The following ADAMTS6 variants were observed in gnomAD, a reference collection of about 807,000 sequenced individuals.
The protein encoded by ADAMTS6 is A disintegrin and metalloproteinase with thrombospondin motifs 6.
ADAMTS6 carries 23 observed loss-of-function variants against 144.3 expected under a neutral mutation model. The observed-to-expected ratio is 0.16, with a 90% CI of 0.11 to 0.23. The LOEUF is 0.23. Among genes scored for constraint, ADAMTS6 ranks in the 10% least tolerant of loss-of-function variants. The pLI, the probability that ADAMTS6 is intolerant of heterozygous loss-of-function variation, is 1.00. For missense variants in ADAMTS6, 999 were observed against 1,379.6 expected, an observed-to-expected ratio of 0.72 and a Z score of 4.37; for synonymous variants, 444 against 457.5, an observed-to-expected ratio of 0.97 and a Z score of 0.38.
chr5:65,380,592 T>C (rs2150134147), intron 7 of ADAMTS6, among the ~76,000 whole-genome samples: 1 of 152,062 alleles, frequency 6.6e-6, no homozygotes, highest in East Asian at 1.9e-4. Flanking sequence ...CAAAAACATA[T>C]TGGGAATATG....
chr5:65,334,009 A>AC, intron 8 of ADAMTS6, 33 bp downstream of exon 8: 29 of 1,352,796 alleles, frequency 2.1e-5, no homozygotes, highest in South Asian at 3.8e-5. Flanking sequence ...AAAAAAAAAA[A>AC]AAAAAAAAAA....
intron 9 of ADAMTS6, among the ~76,000 whole-genome samples, chr5:65,305,151 T>A (rs148955715): frequency 4.6e-4 from 70 of 152,316 alleles, no homozygotes; most frequent in African/African-American, 1.7e-3. Context: ...ATTATGGACA[T>A]ATAAATAGAG....
chr5:65,400,253 C>T lies in ADAMTS6; in HGVS notation c.1073+51222G>A, dbSNP rs376748267. On this transcript the variant is annotated intron_variant, in intron 7 of 24. Transcript: ENST00000381055. ...GGTCTCACTCTGTGGTCCTGGCTGG[C>T]GTACAGTGTCATGATCATAGCTCAC... Among the ~76,000 whole-genome samples the T allele has an allele frequency of 1.1e-4, 16 of 152,122 alleles. No individual in the cohort carries two copies. The South Asian group carries it at 1.9e-3, about 18-fold the overall frequency.
chr5:65,363,751 TA>T (rs1472844510), intron 7 of ADAMTS6, among the ~76,000 whole-genome samples: 2 of 152,214 alleles, frequency 1.3e-5, no homozygotes, highest in Non-Finnish European at 2.9e-5. Context: ...AAGAGACTTT[TA>T]AATAATCTTT....
At chr5:65,274,036 C>T (rs1043204474) in intron 11 of ADAMTS6, among the ~76,000 whole-genome samples, 12 of 152,112 alleles carry the variant, frequency 7.9e-5, no homozygotes, top group African/African-American at 2.9e-4. Flanking sequence ...AGCCTACCTC[C>T]ATGAAAGGAA....
At chr5:65,339,528 T>C (rs1423669496) in intron 7 of ADAMTS6, among the ~76,000 whole-genome samples, 1 of 132,924 alleles carries the variant, frequency 7.5e-6, no homozygotes, top group Non-Finnish European at 1.6e-5. Context: ...CATAAGGAAA[T>C]ATATGAAATG....
At chr5:65,343,401 C>T (rs1449446679) in intron 7 of ADAMTS6, among the ~76,000 whole-genome samples, 2 of 152,028 alleles carry the variant, frequency 1.3e-5, no homozygotes, top group East Asian at 1.9e-4. Flanking sequence ...GTATATACGG[C>T]CAATTGATTT....
chr5:65,480,792 C>G (rs528675684), intron 1 of ADAMTS6, among the ~76,000 whole-genome samples: 1 of 152,288 alleles, frequency 6.6e-6, no homozygotes, highest in East Asian at 1.9e-4. Flanking sequence ...CAAAAACACA[C>G]GTTTCCATCT....
At chr5:65,429,832 G>A (rs138481943) in intron 7 of ADAMTS6, among the ~76,000 whole-genome samples, 61 of 152,158 alleles carry the variant, frequency 4.0e-4, no homozygotes, top group South Asian at 2.5e-3. Context: ...ATAATCAAGA[G>A]TTCACAAACA....
chr5:65,202,993 T>G (rs1460318059), intron 20 of ADAMTS6, among the ~76,000 whole-genome samples: 1 of 152,212 alleles, frequency 6.6e-6, no homozygotes, highest in African/African-American at 2.4e-5. Flanking sequence ...TGTTCAACAT[T>G]TTTTTCCACC....
intron 7 of ADAMTS6, among the ~76,000 whole-genome samples, chr5:65,430,611 C>T (rs565593555): frequency 2.6e-5 from 4 of 152,142 alleles, no homozygotes; most frequent in South Asian, 4.1e-4. Context: ...CCATAACCAA[C>T]CCTACCCAAT....
intron 10 of ADAMTS6, among the ~76,000 whole-genome samples, chr5:65,299,475 C>A (rs915108959): frequency 6.6e-6 from 1 of 152,066 alleles, no homozygotes; most frequent in East Asian, 1.9e-4. Flanking sequence ...CATTAAAGGA[C>A]CAAAAAGTTC....
At chr5:65,389,036 T>C (rs2150145246) in intron 7 of ADAMTS6, among the ~76,000 whole-genome samples, 1 of 152,158 alleles carries the variant, frequency 6.6e-6, no homozygotes, top group South Asian at 2.1e-4. Context: ...TGAAACTCTC[T>C]ACTGAAAATA....
At chr5:65,410,571 A>G (rs981536772) in intron 7 of ADAMTS6, among the ~76,000 whole-genome samples, 24 of 152,154 alleles carry the variant, frequency 1.6e-4, no homozygotes, top group Admixed American at 6.6e-5. Flanking sequence ...ATTTTCAAGT[A>G]TGCAATATAT....
chr5:65,451,764 T>G (rs1489575569), intron 6 of ADAMTS6, 144 bp from the exon 7 acceptor site: 8 of 941,090 alleles, frequency 8.5e-6, no homozygotes, highest in Non-Finnish European at 1.3e-5. Flanking sequence ...CTGTAATATC[T>G]GACCTAGAGC....
At chr5:65,267,649 T>C (rs1214459101) in intron 12 of ADAMTS6, among the ~76,000 whole-genome samples, 1 of 152,150 alleles carries the variant, frequency 6.6e-6, no homozygotes, top group Non-Finnish European at 1.5e-5. Flanking sequence ...TAATTTAACT[T>C]TGAAAATTTG....
At chr5:65,234,841 G>A (rs1055168303) in intron 15 of ADAMTS6, among the ~76,000 whole-genome samples, 3 of 152,122 alleles carry the variant, frequency 2.0e-5, no homozygotes, top group Admixed American at 2.0e-4. Context: ...CATTAGTCAA[G>A]ATATGGAAAC....
intron 3 of ADAMTS6, among the ~76,000 whole-genome samples, chr5:65,467,621 C>G (rs774130069): frequency 1.4e-4 from 21 of 152,118 alleles, no homozygotes; most frequent in Non-Finnish European, 2.2e-4. Context: ...CCCAGTACCA[C>G]CATCCATCAT....
chr5:65,284,218 C>T (rs1763196376), intron 11 of ADAMTS6, among the ~76,000 whole-genome samples: 1 of 152,018 alleles, frequency 6.6e-6, no homozygotes, highest in African/African-American at 2.4e-5. Context: ...AGAGACAAAG[C>T]ATGTCAGTTT....
Sources: gnomAD v4.1 joint callset for allele counts (sites outside exome capture counted in the v4.1 genomes callset) on GRCh38, gnomAD v4.1.1 for gene constraint, MANE v1.5 for transcripts, NCBI Gene and HGNC (gene_info 2026-07-23, HGNC 2026-07-21) for gene names.